Variants in BIRC6 observed in about 807,000 individuals in gnomAD.
BIRC6 encodes baculoviral IAP repeat containing 6, also known as dual E2 ubiquitin-conjugating enzyme/E3 ubiquitin-protein ligase BIRC6.
Under a neutral mutation model 503.3 loss-of-function variants are expected in BIRC6, and 98 were observed. That is an observed-to-expected ratio of 0.19 (90% confidence interval 0.17 to 0.23). The LOEUF (loss-of-function observed/expected upper bound fraction) is 0.23, where lower values mean the gene tolerates loss of function less well. BIRC6 is among the 10% of genes least tolerant of loss of function. BIRC6 has a pLI of 1.00. For synonymous variants in BIRC6, 2,240 were observed against 2,078.7 expected, an observed-to-expected ratio of 1.08 and a Z score of -2.11; for missense variants, 5,360 against 5,806.0, an observed-to-expected ratio of 0.92 and a Z score of 2.50.
intron 15 of BIRC6, among the ~76,000 whole-genome samples, chr2:32,437,916 A>C (rs2044914924): frequency 6.6e-6 from 1 of 152,218 alleles, no homozygotes; most frequent in Admixed American, 6.5e-5. Context: ...GAGAGTGTGC[A>C]TCTTAAATTT....
chr2:32,531,358 A>T lies in BIRC6; in HGVS notation c.12098A>T (p.His4033Leu). 1.2e-6 allele frequency: 2 copies of T among 1,610,316 alleles called. No homozygotes were observed. The highest frequency in any genetic ancestry group is 1.7e-6 in the Non-Finnish European group (2 of 1,177,676). ...TTATTTGTAATTTATTGTCTAGATC[A>T]TGGAGACTTACTTGCTAGCTGTCCA... is the stretch of plus-strand genomic sequence containing the variant. ...SYKRLHPEKD[H>L]GDLLASCPED... Residue 4033 changes from histidine (H) to leucine (L), a missense_variant, in exon 61 of 74, where the codon CAT becomes CTT. Physicochemically the swap from His to Leu is moderately conservative, Grantham distance 99. Coordinates refer to ENST00000421745, the MANE Select transcript of BIRC6 (RefSeq NM_016252.4).
chr2:32,617,622 G>C lies in BIRC6; in HGVS notation c.14395-103G>C, dbSNP rs139273440. 82 of 1,222,464 alleles carry C rather than the reference G, an allele frequency of 6.7e-5. No individual in the cohort carries two copies. In the African/African-American group the frequency reaches 1.0e-3, roughly 15 times the overall value. 75.7% of individuals were successfully genotyped at this position (1,222,464 alleles called of 1,614,324 possible). On this transcript the variant is annotated intron_variant, in intron 73 of 73. Transcript: ENST00000421745. ...ATAAGGAGGGGCTCAGTAAATATTT[G>C]TAGGCTTAATGCTTTGGGCTTTGTT...
Position 32,395,604 on chromosome 2 carries a change from A to T in BIRC6, c.1034+11A>T. 1 of 1,596,810 alleles carries T rather than the reference A, an allele frequency of 6.3e-7. No homozygotes were observed. On this transcript the variant is annotated intron_variant, in intron 6 of 73. Transcript: ENST00000421745. ...TACTGATGAACCTTGGTGAGTCTTG[A>T]TGTTTCTGGGCATAATAGGCTAAGT...
Position 32,571,520 on chromosome 2 carries a change from C to T in BIRC6, c.13145-3636C>T, listed in dbSNP as rs550799654. Among the ~76,000 whole-genome samples, 53 of 150,100 alleles carry T rather than the reference C, an allele frequency of 3.5e-4. No homozygotes were observed. In the East Asian group the frequency reaches 7.5e-3, roughly 21 times the overall value. ...TATGTTTCCAGGAATTTACTTGTTT[C>T]CTCTAGGTTTTCTAGGTTGAGTGTA... is the stretch of plus-strand genomic sequence containing the variant. On this transcript the variant is annotated intron_variant, in intron 65 of 73. Transcript: ENST00000421745.
chr2:32,382,924 A>G (rs996173841), intron 3 of BIRC6, among the ~76,000 whole-genome samples: 2 of 151,640 alleles, frequency 1.3e-5, no homozygotes, highest in African/African-American at 4.9e-5. Flanking sequence ...GGGTTTCACT[A>G]TGTTGGTCAG....
intron 61 of BIRC6, among the ~76,000 whole-genome samples, chr2:32,538,396 A>G (rs1207566954): frequency 6.6e-6 from 1 of 152,150 alleles, no homozygotes; most frequent in Non-Finnish European, 1.5e-5. Flanking sequence ...CTGCTCAGAG[A>G]TAAAAATGTT....
intron 1 of BIRC6, among the ~76,000 whole-genome samples, chr2:32,363,111 G>A (rs2149115570): frequency 6.6e-6 from 1 of 152,204 alleles, no homozygotes; most frequent in African/African-American, 2.4e-5. Context: ...CAGGAGGATC[G>A]CTTGAGCCCA....
chr2:32,501,101 CT>C (rs1363172573), intron 46 of BIRC6, among the ~76,000 whole-genome samples: 5 of 152,256 alleles, frequency 3.3e-5, no homozygotes, highest in African/African-American at 1.2e-4. Flanking sequence ...TTGCTTAACT[CT>C]TTTACCTCTT....
chr2:32,410,743 C>A (rs2041771751), intron 9 of BIRC6, among the ~76,000 whole-genome samples: 1 of 151,914 alleles, frequency 6.6e-6, no homozygotes, highest in Admixed American at 6.6e-5. Context: ...CTCTGTCGCC[C>A]AGGCTGGAGT....
At chr2:32,438,911 T>A (rs957194042) in intron 15 of BIRC6, among the ~76,000 whole-genome samples, 1 of 152,168 alleles carries the variant, frequency 6.6e-6, no homozygotes, top group Non-Finnish European at 1.5e-5. Context: ...TTTAGTTGAC[T>A]CTGAGGTAGG....
At chr2:32,473,333 AT>A in intron 33 of BIRC6, 94 bp downstream of exon 33, 1 of 1,019,398 alleles carries the variant, frequency 9.8e-7, no homozygotes, top group Admixed American at 3.2e-5. Flanking sequence ...GAGGTATAAC[AT>A]TTAATGGGCT....
chr2:32,590,699 GT>G, intron 66 of BIRC6: 3 of 800,582 alleles, frequency 3.7e-6, no homozygotes, highest in Non-Finnish European at 4.5e-6. Flanking sequence ...GCCAAAATTT[GT>G]TTAACTAATT....
chr2:32,611,874 CTTTTTCTT>C (rs2062899787), intron 73 of BIRC6, among the ~76,000 whole-genome samples: 1 of 151,898 alleles, frequency 6.6e-6, no homozygotes, highest in Non-Finnish European at 1.5e-5. Context: ...ATGCCTTTTC[CTTTTTCTT>C]TTTTTCTTTT....
At chr2:32,369,926 TAAAAAAAAA>T (rs756693528) in intron 1 of BIRC6, among the ~76,000 whole-genome samples, 37 of 37,786 alleles carry the variant, frequency 9.8e-4, no homozygotes, top group Middle Eastern at 0.02. Flanking sequence ...CCCTGTCTCT[TAAAAAAAAA>T]AAAAAAAAAA....
chr2:32,484,224 A>G (rs2050729473), intron 39 of BIRC6, among the ~76,000 whole-genome samples: 1 of 152,090 alleles, frequency 6.6e-6, no homozygotes, highest in African/African-American at 2.4e-5. Flanking sequence ...GTACTCGGAA[A>G]CTATAACTAT....
intron 15 of BIRC6, among the ~76,000 whole-genome samples, chr2:32,437,055 A>T (rs1463060090): frequency 6.6e-6 from 1 of 151,498 alleles, no homozygotes; most frequent in African/African-American, 2.4e-5. Context: ...TGCCTGGCTA[A>T]TTTTTTATTG....
At chr2:32,383,384 A>G (rs947367118) in intron 3 of BIRC6, among the ~76,000 whole-genome samples, 3 of 152,202 alleles carry the variant, frequency 2.0e-5, no homozygotes, top group African/African-American at 7.2e-5. Context: ...GATGTATAAT[A>G]GTCAAGAAGA....
At chr2:32,516,776 G>C (rs2055093259) in intron 55 of BIRC6, among the ~76,000 whole-genome samples, 1 of 151,818 alleles carries the variant, frequency 6.6e-6, no homozygotes, top group Admixed American at 6.6e-5. Flanking sequence ...TTTGCTTTTG[G>C]TTACCTCACG....
At chr2:32,431,598 T>C (rs1357731383) in intron 12 of BIRC6, among the ~76,000 whole-genome samples, 2 of 152,236 alleles carry the variant, frequency 1.3e-5, no homozygotes, top group Non-Finnish European at 2.9e-5. Flanking sequence ...TTGATGACTT[T>C]GTTCCTTCTA....
Sources: gnomAD v4.1 joint callset for allele counts (sites outside exome capture counted in the v4.1 genomes callset) on GRCh38, gnomAD v4.1.1 for gene constraint, MANE v1.5 for transcripts, NCBI Gene and HGNC (gene_info 2026-07-23, HGNC 2026-07-21) for gene names.